PLCB1: variants seen among roughly 807,000 people sequenced by gnomAD.
PLCB1 encodes the protein phospholipase C beta 1.
In PLCB1, 46 loss-of-function variants were observed where a neutral mutation model predicts 161.8. The observed-to-expected ratio is 0.28, with a 90% CI of 0.22 to 0.36. The LOEUF (loss-of-function observed/expected upper bound fraction) is 0.36, where lower values mean the gene tolerates loss of function less well. PLCB1 is among the 10% of genes least tolerant of loss of function. PLCB1 has a pLI of 1.00. For synonymous variants in PLCB1, 517 were observed against 503.7 expected (o/e 1.03, Z -0.35); for missense variants, 1,016 against 1,472.5 (o/e 0.69, Z 5.07).
chr20:8,773,418 C>T (rs752444703), intron 26 of PLCB1, among the ~76,000 whole-genome samples: 15 of 152,228 alleles, frequency 9.9e-5, no homozygotes, highest in Non-Finnish European at 2.1e-4. Flanking sequence ...ATTGGAAGGA[C>T]TCACACCATA....
At chr20:8,512,489 T>C (rs978371656) in intron 3 of PLCB1, among the ~76,000 whole-genome samples, 2 of 152,208 alleles carry the variant, frequency 1.3e-5, no homozygotes, top group African/African-American at 4.8e-5. Context: ...ATAAACTGTT[T>C]TAGATTCTTG....
chr20:8,227,163 A>G (rs1369556429), intron 2 of PLCB1, among the ~76,000 whole-genome samples: 1 of 152,088 alleles, frequency 6.6e-6, no homozygotes. Context: ...TTCCCTCACA[A>G]TACACCTTAG....
intron 2 of PLCB1, among the ~76,000 whole-genome samples, chr20:8,309,753 A>G (rs1318598774): frequency 6.6e-6 from 1 of 152,144 alleles, no homozygotes; most frequent in African/African-American, 2.4e-5. Context: ...CAGCAATGCC[A>G]TGCTGGTTTC....
intron 3 of PLCB1, among the ~76,000 whole-genome samples, chr20:8,412,499 A>AG: frequency 6.6e-6 from 1 of 152,332 alleles, no homozygotes; most frequent in African/African-American, 2.4e-5. Context: ...TGATTATCTA[A>AG]GATGTGATCA....
At chr20:8,705,234 T>C (rs1017624183) in intron 11 of PLCB1, among the ~76,000 whole-genome samples, 31 of 152,156 alleles carry the variant, frequency 2.0e-4, no homozygotes, top group African/African-American at 7.2e-4. Flanking sequence ...ATAGAAACTA[T>C]ATGGCCAGCA....
chr20:8,595,550 A>G (rs9305150), intron 3 of PLCB1, among the ~76,000 whole-genome samples: 4 of 137,076 alleles, frequency 2.9e-5, no homozygotes, highest in East Asian at 2.2e-4. Flanking sequence ...GAATAATGCC[A>G]CAATAAACAT....
chr20:8,843,067 A>G (rs1169561783), intron 31 of PLCB1, among the ~76,000 whole-genome samples: 1 of 152,216 alleles, frequency 6.6e-6, no homozygotes, highest in African/African-American at 2.4e-5. Flanking sequence ...TTTGCAATTG[A>G]GAGTAATGGC....
chr20:8,478,733 TGTG>T (rs1982381585), intron 3 of PLCB1, among the ~76,000 whole-genome samples: 1 of 152,156 alleles, frequency 6.6e-6, no homozygotes, highest in Non-Finnish European at 1.5e-5. Context: ...AATTATAGAT[TGTG>T]GTGCTTTTTT....
intron 11 of PLCB1, among the ~76,000 whole-genome samples, chr20:8,698,242 G>T (rs112158639): frequency 0.016 from 2,459 of 152,202 alleles, 78 homozygotes; most frequent in African/African-American, 0.057. Context: ...ACCCTCAGAG[G>T]TGACTACCAT....
chr20:8,711,716 A>T (rs766917639), intron 12 of PLCB1, among the ~76,000 whole-genome samples: 5 of 152,144 alleles, frequency 3.3e-5, no homozygotes, highest in Non-Finnish European at 7.4e-5. Context: ...AAGAAAACCG[A>T]TAAGCTTTCC....
At chr20:8,260,875 C>T (rs6133559) in intron 2 of PLCB1, among the ~76,000 whole-genome samples, 11,417 of 152,166 alleles carry the variant, frequency 0.075, 515 homozygotes, top group East Asian at 0.16. Flanking sequence ...GCCAACTGCC[C>T]TGGGCTGACA....
chr20:8,547,713 C>T (rs550663484), intron 3 of PLCB1, among the ~76,000 whole-genome samples: 1 of 152,172 alleles, frequency 6.6e-6, no homozygotes, highest in Non-Finnish European at 1.5e-5. Context: ...TCATGCTCCT[C>T]TCCAGTGTTT....
chr20:8,385,701 C>G (rs1359668285), intron 3 of PLCB1, among the ~76,000 whole-genome samples: 1 of 152,222 alleles, frequency 6.6e-6, no homozygotes, highest in Non-Finnish European at 1.5e-5. Context: ...GTGGAAAAAG[C>G]ATGGTTTCCC....
intron 2 of PLCB1, among the ~76,000 whole-genome samples, chr20:8,179,638 TTCTC>T (rs766344967): frequency 3.3e-5 from 5 of 152,186 alleles, no homozygotes; most frequent in Non-Finnish European, 5.9e-5. Context: ...TTTTATTTCT[TTCTC>T]TTGCCCGATT....
At chr20:8,608,685 A>C (rs1173093606) in intron 3 of PLCB1, among the ~76,000 whole-genome samples, 1 of 152,242 alleles carries the variant, frequency 6.6e-6, no homozygotes, top group African/African-American at 2.4e-5. Context: ...TGAAAACACA[A>C]ATATGAGTCA....
At chr20:8,661,211 C>G (rs918678394) in intron 9 of PLCB1, among the ~76,000 whole-genome samples, 1 of 152,112 alleles carries the variant, frequency 6.6e-6, no homozygotes, top group Non-Finnish European at 1.5e-5. Context: ...CTAGAAGATG[C>G]ACCTGCTCAT....
At chr20:8,145,558 G>T (rs1261278326) in intron 1 of PLCB1, among the ~76,000 whole-genome samples, 1 of 152,182 alleles carries the variant, frequency 6.6e-6, no homozygotes, top group African/African-American at 2.4e-5. Flanking sequence ...GATTTATTTT[G>T]TACTATTTAA....
chr20:8,234,475 A>G (rs868303459), intron 2 of PLCB1, among the ~76,000 whole-genome samples: 14 of 152,208 alleles, frequency 9.2e-5, no homozygotes, highest in Admixed American at 2.6e-4. Flanking sequence ...ATTTCCAGCC[A>G]CTAATGGAAT....
chr20:8,788,914 T>G (rs977813666), intron 29 of PLCB1, among the ~76,000 whole-genome samples, 192 bp downstream of exon 29: 1 of 151,954 alleles, frequency 6.6e-6, no homozygotes, highest in Admixed American at 6.6e-5. Flanking sequence ...AATAAAGGAG[T>G]GAGGCACACC....
Sources: gnomAD v4.1 joint callset for allele counts (sites outside exome capture counted in the v4.1 genomes callset) on GRCh38, gnomAD v4.1.1 for gene constraint, MANE v1.5 for transcripts, NCBI Gene and HGNC (gene_info 2026-07-23, HGNC 2026-07-21) for gene names.